Variants in SUGP2 observed in about 807,000 individuals in gnomAD.
SUGP2 encodes SURP and G-patch domain containing 2.
Under a neutral mutation model 90.5 loss-of-function variants are expected in SUGP2, and 24 were observed. The observed-to-expected ratio is 0.27, with a 90% confidence interval of 0.19 to 0.37. SUGP2 has a LOEUF of 0.37. SUGP2 is among the 10% of genes least tolerant of loss of function. The pLI, the probability that SUGP2 is intolerant of heterozygous loss-of-function variation, is 1.00. For missense variants in SUGP2, 1,233 were observed against 1,363.3 expected, an observed-to-expected ratio of 0.90 and a Z score of 1.51; for synonymous variants, 473 against 513.4, an observed-to-expected ratio of 0.92 and a Z score of 1.06.
rs757011420 is a variant in SUGP2 at position 19,004,334 on chromosome 19, G to A, written c.2763C>T (p.Ala921=). ...GAGKSEGSTP[A]DGLPGEAAED... ...CGGCAGCCTCGCCGGGAAGGCCGTC[G>A]GCAGGGGTGCTGCCCTCAGACTTGC... The change falls in exon 7 of 11, where the codon GCC becomes GCT. Residue 921 remains alanine, a synonymous_variant. Coordinates refer to ENST00000452918, the MANE Select transcript of SUGP2 (RefSeq NM_001017392.5). 6.2e-6 allele frequency: 10 copies of A among 1,613,254 alleles called. No individual in the cohort carries two copies. Among genetic ancestry groups the A allele is most frequent in the East Asian group, 4.5e-5 (2 of 44,872 alleles).
rs34670209 is a variant in SUGP2, at chr19:19,007,755, C to CTTTTTTTTTTTTTTTTTTT, written c.2450+543_2450+561dup. ...ACAAGCATGAGCCATTGCACCTAGC[C>CTTTTTTTTTTTTTTTTTTT]TTTTTTTTTTTTTTTTTTTTTGGAG... On this transcript the variant is annotated intron_variant, in intron 6 of 10. Transcript: ENST00000452918. Among the ~76,000 whole-genome samples the CTTTTTTTTTTTTTTTTTTT allele has an allele frequency of 1.8e-5, 2 of 113,434 alleles. 1 individual carries two copies. 74.4% of individuals were successfully genotyped at this position (113,434 alleles called of 152,430 possible). A position where few individuals can be genotyped will look rare whatever the true frequency, so the allele number is the denominator to read the frequency against.
intron 3 of SUGP2, among the ~76,000 whole-genome samples, chr19:19,019,991 C>CAAAAAA (rs11434968): frequency 1.7e-4 from 6 of 34,820 alleles, no homozygotes; most frequent in Non-Finnish European, 1.9e-4. Flanking sequence ...TGCTAAAATA[C>CAAAAAA]AAAAAAAAAA....
intron 3 of SUGP2, among the ~76,000 whole-genome samples, chr19:19,023,188 T>C (rs938191822): frequency 2.0e-5 from 3 of 152,036 alleles, no homozygotes; most frequent in African/African-American, 7.2e-5. Flanking sequence ...AAAAGGTGTA[T>C]CCACTATGTG....
At chr19:19,015,602 C>T (rs935385562) in intron 4 of SUGP2, among the ~76,000 whole-genome samples, 2 of 152,136 alleles carry the variant, frequency 1.3e-5, no homozygotes, top group African/African-American at 4.8e-5. Context: ...CTCCCGGGTT[C>T]AAGTGATTCT....
chr19:18,998,581 TGTGTGTATGCATGTGTGTGTGC>T, intron 8 of SUGP2, among the ~76,000 whole-genome samples: 1 of 151,798 alleles, frequency 6.6e-6, no homozygotes, highest in African/African-American at 2.4e-5. Context: ...AGTAGCTGTG[TGTGTGTATGCATGTGTGTGTGC>T]GTGTGTGTAT....
intron 7 of SUGP2, among the ~76,000 whole-genome samples, chr19:19,003,764 C>G (rs1045319395): frequency 6.6e-6 from 1 of 152,220 alleles, no homozygotes; most frequent in African/African-American, 2.4e-5. Flanking sequence ...TGGGACCACC[C>G]CTGCTCTGTT....
At chr19:19,033,713 G>T, upstream of SUGP2, 1 of 272,602 alleles carries the variant, frequency 3.7e-6, no homozygotes, top group Non-Finnish European at 6.9e-6. Flanking sequence ...TCCCGGAAGG[G>T]GCGGCAAAGA....
At chr19:18,997,351 G>A (rs2057642945) in intron 8 of SUGP2, among the ~76,000 whole-genome samples, 1 of 152,048 alleles carries the variant, frequency 6.6e-6, no homozygotes, top group Non-Finnish European at 1.5e-5. Flanking sequence ...GAGGGAGGGA[G>A]GAGAGAGCAA....
At chr19:19,004,029 C>A in intron 7 of SUGP2, 139 bp downstream of exon 7, 1 of 679,812 alleles carries the variant, frequency 1.5e-6, no homozygotes, top group South Asian at 2.0e-5. Context: ...CACTGGGAAA[C>A]ATGAGTGTCG....
At chr19:19,030,844 G>T in intron 2 of SUGP2, 107 bp downstream of exon 2, 3 of 1,282,654 alleles carry the variant, frequency 2.3e-6, no homozygotes, top group Non-Finnish European at 3.2e-6. Flanking sequence ...GGAAACTAAG[G>T]ATCAGAGGAC....
intron 4 of SUGP2, among the ~76,000 whole-genome samples, chr19:19,012,988 C>T (rs1020660615): frequency 2.0e-5 from 3 of 152,090 alleles, no homozygotes; most frequent in East Asian, 1.9e-4. Flanking sequence ...CTCATCCTCC[C>T]GAGTAGCTGG....
At position 19,010,237 on chromosome 19, in the gene SUGP2, G is replaced by A. The variant is rs765857100; in HGVS notation, c.1956C>T (p.Thr652=). The part of the protein sequence containing the change: ...ENLRGADQKP[T]SADCAVRAML... Reference sequence around the variant, plus strand: ...TGGCCCTCACTGCACAGTCTGCTGAGGTCGGCTTCTGGTCGGCTCCTCGCA... The same window carrying A: ...TGGCCCTCACTGCACAGTCTGCTGAAGTCGGCTTCTGGTCGGCTCCTCGCA... Residue 652 remains threonine, a synonymous_variant, in exon 5 of 11, where the codon ACC becomes ACT. Transcript: ENST00000452918. The A allele has an allele frequency of 1.2e-6, 2 of 1,614,022 alleles. No homozygotes were observed. Among genetic ancestry groups the A allele is most frequent in the African/African-American group, 1.3e-5 (1 of 74,944 alleles).
intron 6 of SUGP2, 56 bp from the exon 7 acceptor site, chr19:19,004,702 T>C (rs971647943): frequency 7.1e-7 from 1 of 1,409,276 alleles, no homozygotes; most frequent in Non-Finnish European, 9.7e-7. Flanking sequence ...AACATTTTTA[T>C]TTGCTGAAAC....
rs181895323 is a variant in SUGP2 at position 19,019,088 on chromosome 19, C to A, written c.1850+21G>T. 5 of 1,608,022 alleles carry A rather than the reference C, an allele frequency of 3.1e-6. No homozygotes were observed. In the African/African-American group the frequency reaches 4.0e-5, roughly 13 times the overall value. On this transcript the variant is annotated intron_variant, in intron 4 of 10. Transcript: ENST00000452918. ...TATACTCCATGAGAGGGATTCACAG[C>A]GTGGACATTTAAAGACCTACCAGTA...
intron 2 of SUGP2, among the ~76,000 whole-genome samples, 187 bp downstream of exon 2, chr19:19,030,764 G>A (rs1263334250): frequency 1.3e-5 from 2 of 151,974 alleles, no homozygotes; most frequent in Admixed American, 6.6e-5. Context: ...TCAGCCTGGG[G>A]GAGAGAGTAA....
At chr19:19,016,181 A>C (rs192490420) in intron 4 of SUGP2, among the ~76,000 whole-genome samples, 15 of 152,066 alleles carry the variant, frequency 9.9e-5, no homozygotes, top group Admixed American at 5.9e-4. Context: ...GGCACCCGCC[A>C]CCAGGCCCGG....
chr19:19,001,340 G>A (rs961009735), intron 8 of SUGP2, among the ~76,000 whole-genome samples: 3 of 152,124 alleles, frequency 2.0e-5, no homozygotes, highest in Admixed American at 6.5e-5. Context: ...TAAGGGCCAA[G>A]ACATTATCTC....
rs140453225 is a variant in SUGP2 at position 19,001,652 on chromosome 19, G to A, written c.2952C>T (p.Ala984=). 423 of 1,614,212 alleles carry A rather than the reference G, an allele frequency of 2.6e-4. No individual in the cohort carries two copies. Among genetic ancestry groups the A allele is most frequent in the Non-Finnish European group, 3.3e-4 (386 of 1,180,038 alleles). The change falls in exon 8 of 11, where the codon GCC becomes GCT. Residue 984 remains alanine, a synonymous_variant. Coordinates refer to ENST00000452918, the MANE Select transcript of SUGP2 (RefSeq NM_001017392.5). Reference sequence around the variant, plus strand: ...TGGGACGACCCCGAGGCCTGTCATAGGCAATTCGAACTGGTTCATGGACTA... The same window carrying A: ...TGGGACGACCCCGAGGCCTGTCATAAGCAATTCGAACTGGTTCATGGACTA... ...EPKVHEPVRI[A]YDRPRGRPMS... is the part of the protein sequence containing the mutation.
chr19:19,009,749 T>C, intron 5 of SUGP2, 106 bp downstream of exon 5: 7 of 1,416,064 alleles, frequency 4.9e-6, no homozygotes, highest in Non-Finnish European at 6.6e-6. Context: ...AGAGCTTTTA[T>C]CCACTGCCTT....
Sources: allele counts gnomAD v4.1 joint callset (sites outside exome capture counted in the v4.1 genomes callset), GRCh38; gene constraint gnomAD v4.1.1; transcripts MANE v1.5; gene names NCBI Gene and HGNC (gene_info 2026-07-23, HGNC 2026-07-21).